The following FBXO11 variants were observed in gnomAD, a reference collection of about 807,000 sequenced individuals.
FBXO11 encodes the protein F-box only protein 11.
A neutral mutation model predicts 117.0 loss-of-function variants in FBXO11; 13 were observed. The ratio of observed to expected loss-of-function variants is 0.11; its 90% CI spans 0.07 to 0.18. The LOEUF is 0.18. Ranked by LOEUF, FBXO11 falls within the 10% of genes least tolerant of loss-of-function variation. The pLI is 1.00. For synonymous variants in FBXO11, 490 were observed against 380.5 expected (o/e 1.29, Z -3.35); for missense variants, 767 against 1,164.4 (o/e 0.66, Z 4.97).
intron 1 of FBXO11, among the ~76,000 whole-genome samples, chr2:47,857,464 T>C (rs1322154392): frequency 1.3e-5 from 2 of 152,108 alleles, no homozygotes; most frequent in African/African-American, 4.8e-5. Context: ...AGCTATACTA[T>C]ATATGCAACC....
rs766070642 is a variant in FBXO11 at position 47,809,221 on chromosome 2, C to A, written c.2492G>T (p.Ser831Ile). ...NNQDAIEKAV[S>I]RGQCLYKISS... ...TATTTTATATAAACATTGGCCTCTA[C>A]TAACAGCCTTTTCTATGGCATCTTG... Residue 831 changes from serine (S) to isoleucine (I), a missense_variant, in exon 21 of 23, where the codon AGT becomes ATT. By Grantham distance (142) the Ser-to-Ile change is moderately radical. This residue lies in a region of FBXO11 where 66 missense variants were observed against 82.7 expected (regional missense o/e 0.80). Coordinates refer to ENST00000403359, the MANE Select transcript of FBXO11 (RefSeq NM_001190274.2). 6.2e-7 allele frequency: 1 copy of A among 1,607,004 alleles called. No homozygotes were observed. The highest frequency in any genetic ancestry group is 2.2e-5 in the East Asian group (1 of 44,678).
At chr2:47,900,682 A>ATACACACACGTACGTATATACACACGTG (rs1678114717) in intron 1 of FBXO11, among the ~76,000 whole-genome samples, 1 of 107,546 alleles carries the variant, frequency 9.3e-6, no homozygotes, top group Non-Finnish European at 2.2e-5. Context: ...ATACACACGT[A>ATACACACACGTACGTATATACACACGTG]TACACACACG....
chr2:47,823,578 C>G (rs1341447904), intron 11 of FBXO11, among the ~76,000 whole-genome samples: 1 of 151,904 alleles, frequency 6.6e-6, no homozygotes, highest in East Asian at 1.9e-4. Flanking sequence ...CATGGTGAAA[C>G]CCCGTCTCTA....
intron 1 of FBXO11, among the ~76,000 whole-genome samples, chr2:47,891,341 T>G (rs1008837284): frequency 6.6e-6 from 1 of 152,214 alleles, no homozygotes; most frequent in African/African-American, 2.4e-5. Context: ...TTCTATAAAT[T>G]TGACTATTTC....
intron 1 of FBXO11, among the ~76,000 whole-genome samples, chr2:47,859,793 T>C (rs1160455604): frequency 2.0e-5 from 3 of 152,240 alleles, no homozygotes; most frequent in Non-Finnish European, 4.4e-5. Context: ...ATAATATTAA[T>C]ACTTTCATAT....
intron 1 of FBXO11, among the ~76,000 whole-genome samples, chr2:47,862,447 A>T (rs1674850509): frequency 6.6e-6 from 1 of 152,160 alleles, no homozygotes; most frequent in Non-Finnish European, 1.5e-5. Flanking sequence ...TCTGTGAGGC[A>T]AACTTTTTAT....
intron 1 of FBXO11, among the ~76,000 whole-genome samples, chr2:47,899,501 G>A (rs1259533826): frequency 1.3e-5 from 2 of 152,070 alleles, no homozygotes; most frequent in Non-Finnish European, 2.9e-5. Flanking sequence ...AGGCAGGTGT[G>A]ATTCCCACTT....
chr2:47,826,566 C>A (rs2104763269), intron 11 of FBXO11, among the ~76,000 whole-genome samples: 1 of 152,290 alleles, frequency 6.6e-6, no homozygotes, highest in South Asian at 2.1e-4. Flanking sequence ...ACCTCTCTAT[C>A]CCCCACAATA....
intron 1 of FBXO11, among the ~76,000 whole-genome samples, chr2:47,901,229 T>C (rs1054245815): frequency 1.3e-5 from 2 of 149,664 alleles, no homozygotes; most frequent in Non-Finnish European, 3.0e-5. Flanking sequence ...ATCCCACAAA[T>C]ATGGGATTAG....
intron 1 of FBXO11, among the ~76,000 whole-genome samples, chr2:47,898,675 G>C (rs1677860601): frequency 6.6e-6 from 1 of 152,124 alleles, no homozygotes; most frequent in Non-Finnish European, 1.5e-5. Context: ...AAGATTACTT[G>C]AAAAATGTGA....
At chr2:47,821,759 T>G (rs757871913) in intron 13 of FBXO11, among the ~76,000 whole-genome samples, 1 of 152,064 alleles carries the variant, frequency 6.6e-6, no homozygotes, top group African/African-American at 2.4e-5. Flanking sequence ...CACTCCAGCC[T>G]AGGCAACAGA....
At position 47,839,058 on chromosome 2, in the gene FBXO11, T is replaced by G. The variant is rs945899712; in HGVS notation, c.443-55A>C. The G allele has an allele frequency of 4.6e-6, 7 of 1,534,582 alleles. No individual in the cohort carries two copies. In the African/African-American group the frequency reaches 6.9e-5, roughly 15 times the overall value. On this transcript the variant is annotated intron_variant, in intron 3 of 22. Coordinates refer to ENST00000403359, the MANE Select transcript of FBXO11 (RefSeq NM_001190274.2). ...TTCGAGCAATAACTTTCTCATTATT[T>G]AAAGAACACAGTTTTCATTTTATCT...
chr2:47,833,605 T>A (rs1474469690), intron 7 of FBXO11, among the ~76,000 whole-genome samples: 1 of 152,114 alleles, frequency 6.6e-6, no homozygotes, highest in Non-Finnish European at 1.5e-5. Flanking sequence ...ATCCTCAAAA[T>A]AAAAAAACCA....
intron 1 of FBXO11, among the ~76,000 whole-genome samples, chr2:47,901,105 GTATATA>G (rs779347380): frequency 9.0e-6 from 1 of 111,398 alleles, no homozygotes; most frequent in Non-Finnish European, 1.9e-5. Flanking sequence ...ACATATATAT[GTATATA>G]TGTACACACG....
chr2:47,870,860 C>G (rs938527420), intron 1 of FBXO11, among the ~76,000 whole-genome samples: 1 of 152,166 alleles, frequency 6.6e-6, no homozygotes, highest in African/African-American at 2.4e-5. Context: ...GCAATGAATA[C>G]CCATGTACAT....
intron 21 of FBXO11, 80 bp from the exon 22 acceptor site, chr2:47,808,507 G>T: frequency 1.5e-6 from 2 of 1,296,638 alleles, no homozygotes; most frequent in South Asian, 3.1e-5. Flanking sequence ...ATATTACTAT[G>T]ACCTTTGGCT....
At chr2:47,901,009 A>G (rs573741607) in intron 1 of FBXO11, among the ~76,000 whole-genome samples, 21 of 143,712 alleles carry the variant, frequency 1.5e-4, no homozygotes, top group African/African-American at 5.3e-4. Context: ...GTGGGGAGAT[A>G]TATATATTTA....
chr2:47,826,159 C>T (rs1424266901), intron 11 of FBXO11, among the ~76,000 whole-genome samples: 5 of 151,928 alleles, frequency 3.3e-5, no homozygotes, highest in Admixed American at 6.6e-5. Flanking sequence ...CCCGGGTTCA[C>T]GCCATTCTCC....
At chr2:47,893,247 C>T (rs1240618209) in intron 1 of FBXO11, among the ~76,000 whole-genome samples, 1 of 152,118 alleles carries the variant, frequency 6.6e-6, no homozygotes, top group Admixed American at 6.5e-5. Context: ...TAACATTTCA[C>T]AGAAAACTCT....
Sources: gnomAD v4.1 joint callset for allele counts (sites outside exome capture counted in the v4.1 genomes callset) on GRCh38, gnomAD v4.1.1 for gene constraint, gnomAD v4.1.1 regional missense constraint, MANE v1.5 for transcripts, NCBI Gene and HGNC (gene_info 2026-07-23, HGNC 2026-07-21) for gene names.